Variants in ASTN1 observed in about 807,000 individuals in gnomAD.
ASTN1 encodes astrotactin 1, also known as astrotactin-1.
In ASTN1, 41 loss-of-function variants were observed where a neutral mutation model predicts 140.7. The ratio of observed to expected loss-of-function variants is 0.29; its 90% CI spans 0.23 to 0.38. The LOEUF (loss-of-function observed/expected upper bound fraction) is 0.38. Among genes scored for constraint, ASTN1 ranks in the 10% least tolerant of loss-of-function variants. The probability of loss-of-function intolerance (pLI) is 1.00; values close to 1 mark genes in which losing one functional copy is unlikely to be tolerated. For missense variants in ASTN1, 1,479 were observed against 1,678.8 expected (o/e 0.88, Z 2.08); for synonymous variants, 640 against 652.2 (o/e 0.98, Z 0.29).
chr1:177,080,276 A>C (rs1679117107), intron 1 of ASTN1, among the ~76,000 whole-genome samples: 1 of 151,476 alleles, frequency 6.6e-6, no homozygotes, highest in African/African-American at 2.4e-5. Flanking sequence ...AAAAAAAAAA[A>C]AAAAACCGGT....
chr1:177,117,501 G>C (rs1286946626), intron 1 of ASTN1, among the ~76,000 whole-genome samples: 1 of 152,122 alleles, frequency 6.6e-6, no homozygotes, highest in East Asian at 1.9e-4. Flanking sequence ...TAACAAAGCA[G>C]ACAAAAAGCC....
intron 8 of ASTN1, among the ~76,000 whole-genome samples, chr1:177,010,965 C>T (rs903844085): frequency 6.6e-6 from 1 of 152,084 alleles, no homozygotes; most frequent in African/African-American, 2.4e-5. Context: ...GAGAGTACAC[C>T]TGGAACGTCT....
At chr1:177,094,382 A>T (rs958574334) in intron 1 of ASTN1, among the ~76,000 whole-genome samples, 1 of 152,216 alleles carries the variant, frequency 6.6e-6, no homozygotes, top group Non-Finnish European at 1.5e-5. Flanking sequence ...CTGCCTATGC[A>T]CATGATTGTT....
chr1:176,979,355 A>G (rs369625970), intron 8 of ASTN1, among the ~76,000 whole-genome samples: 13 of 151,818 alleles, frequency 8.6e-5, no homozygotes, highest in East Asian at 7.8e-4. Context: ...GCTTTCTCCC[A>G]TTCCAGGGCC....
intron 16 of ASTN1, among the ~76,000 whole-genome samples, chr1:176,905,348 A>G (rs1387900805): frequency 6.6e-6 from 1 of 152,228 alleles, no homozygotes; most frequent in Non-Finnish European, 1.5e-5. Flanking sequence ...GAGATGCTGC[A>G]AAGGCTGGCT....
chr1:176,869,645 C>T (rs1668259455), intron 21 of ASTN1, among the ~76,000 whole-genome samples: 1 of 152,150 alleles, frequency 6.6e-6, no homozygotes, highest in Admixed American at 6.5e-5. Flanking sequence ...TGCTGGATCG[C>T]CACTGGGTCA....
At chr1:177,053,190 G>T (rs1205813427) in intron 2 of ASTN1, among the ~76,000 whole-genome samples, 1 of 152,032 alleles carries the variant, frequency 6.6e-6, no homozygotes, top group Non-Finnish European at 1.5e-5. Flanking sequence ...GGATCTTCAG[G>T]GATTTCTGAA....
chr1:177,116,644 T>G (rs768401415), intron 1 of ASTN1, among the ~76,000 whole-genome samples: 2 of 152,190 alleles, frequency 1.3e-5, no homozygotes, highest in Non-Finnish European at 2.9e-5. Flanking sequence ...TAATGCCTTC[T>G]GCCTCCACCA....
chr1:177,153,550 G>A (rs1464339654), intron 1 of ASTN1, among the ~76,000 whole-genome samples: 1 of 151,858 alleles, frequency 6.6e-6, no homozygotes, highest in Non-Finnish European at 1.5e-5. Context: ...AATATACCAA[G>A]TATTTAAATG....
chr1:177,071,436 T>C (rs1678629879), intron 1 of ASTN1, among the ~76,000 whole-genome samples: 2 of 152,344 alleles, frequency 1.3e-5, no homozygotes, highest in Non-Finnish European at 2.9e-5. Flanking sequence ...AGTAGTAAAC[T>C]GAGTCCTTCT....
intron 22 of ASTN1, among the ~76,000 whole-genome samples, chr1:176,868,579 A>G (rs1276974246): frequency 1.3e-5 from 2 of 152,216 alleles, no homozygotes; most frequent in Non-Finnish European, 2.9e-5. Flanking sequence ...TGCAATGTCA[A>G]CATGATAAAA....
In ASTN1 at chr1:177,058,844, C is replaced by T. The variant is rs566273508; in HGVS notation, c.471+2234G>A. The stretch of plus-strand genomic sequence containing the variant: ...ACACAAACAAACACACACACACACA[C>T]ATACACACACACTTCTCTAGAAAAC... On this transcript the variant is annotated intron_variant, in intron 2 of 22. Transcript: ENST00000361833. Among the ~76,000 whole-genome samples, 46 of 151,392 alleles carry T rather than the reference C, an allele frequency of 3.0e-4. No individual in the cohort carries two copies. The South Asian group carries it at 6.5e-3, about 21-fold the overall frequency.
chr1:177,126,034 C>G (rs1681629770), intron 1 of ASTN1, among the ~76,000 whole-genome samples: 1 of 152,230 alleles, frequency 6.6e-6, no homozygotes, highest in South Asian at 2.1e-4. Context: ...CCCCACCTAT[C>G]TAAACTGAAG....
intron 20 of ASTN1, among the ~76,000 whole-genome samples, chr1:176,878,589 C>T (rs1005128328): frequency 1.3e-5 from 2 of 152,004 alleles, no homozygotes; most frequent in African/African-American, 2.4e-5. Flanking sequence ...TGAATGTGGC[C>T]ACCAAACCCA....
At chr1:176,992,653 G>T (rs1410469337) in intron 8 of ASTN1, among the ~76,000 whole-genome samples, 1 of 152,038 alleles carries the variant, frequency 6.6e-6, no homozygotes, top group Non-Finnish European at 1.5e-5. Flanking sequence ...GATTTTTATT[G>T]CAAAATCTCT....
chr1:177,068,721 T>C (rs1678484379), intron 1 of ASTN1, among the ~76,000 whole-genome samples: 1 of 152,144 alleles, frequency 6.6e-6, no homozygotes, highest in Admixed American at 6.6e-5. Flanking sequence ...TGCACGCTGT[T>C]TTTTCTGTAT....
At chr1:176,924,851 T>C (rs1424304297) in intron 16 of ASTN1, among the ~76,000 whole-genome samples, 1 of 152,190 alleles carries the variant, frequency 6.6e-6, no homozygotes, top group Non-Finnish European at 1.5e-5. Context: ...ACCAAAATAC[T>C]ATCCAGGTTA....
chr1:177,093,992 C>A (rs1679900731), intron 1 of ASTN1, among the ~76,000 whole-genome samples: 1 of 152,118 alleles, frequency 6.6e-6, no homozygotes, highest in African/African-American at 2.4e-5. Context: ...GAGCTCCTGG[C>A]TTATAGAAAT....
At chr1:176,992,035 T>C (rs1173957797) in intron 8 of ASTN1, among the ~76,000 whole-genome samples, 1 of 152,194 alleles carries the variant, frequency 6.6e-6, no homozygotes. Flanking sequence ...TAGTAGATAA[T>C]AGAAAAAATA....
Sources: gnomAD v4.1 joint callset for allele counts (sites outside exome capture counted in the v4.1 genomes callset) on GRCh38, gnomAD v4.1.1 for gene constraint, MANE v1.5 for transcripts, NCBI Gene and HGNC (gene_info 2026-07-23, HGNC 2026-07-21) for gene names.